NELFA: variants seen among roughly 807,000 people sequenced by gnomAD.
NELFA encodes the protein negative elongation factor A.
Under a neutral mutation model 51.8 loss-of-function variants are expected in NELFA, and 35 were observed. The observed-to-expected ratio is 0.68, with a 90% CI of 0.52 to 0.90. The LOEUF (loss-of-function observed/expected upper bound fraction) is 0.90. Among genes scored for constraint, NELFA ranks in the 40% least tolerant of loss-of-function variants. The pLI is 0.00. For synonymous variants in NELFA, 417 were observed against 338.4 expected, an observed-to-expected ratio of 1.23 and a Z score of -2.55; for missense variants, 658 against 746.4, an observed-to-expected ratio of 0.88 and a Z score of 1.38.
chr4:1,983,062 TACTA>T lies in NELFA; in HGVS notation c.*253_*256del, dbSNP rs1727940264. ...TTGTAACTTTTTTGGTTAATTTACTTACTACATTCAAAAATGTAACGTTGAGTCC... is the reference window on the plus strand; with the variant it reads ...TTGTAACTTTTTTGGTTAATTTACTTCATTCAAAAATGTAACGTTGAGTCC... On this transcript the variant is annotated 3_prime_UTR_variant, in exon 11 of 11. Coordinates refer to ENST00000382882, the MANE Select transcript of NELFA (RefSeq NM_005663.5). 2.5e-6 allele frequency: 1 copy of T among 392,516 alleles called. No homozygotes were observed. The highest frequency in any genetic ancestry group is 4.1e-5 in the East Asian group (1 of 24,556). The allele number at this position is 392,516 out of a possible 1,614,324, so 24.3% of individuals were successfully genotyped here.
intron 1 of NELFA, among the ~76,000 whole-genome samples, chr4:2,008,418 G>A (rs1445233511): frequency 1.3e-5 from 2 of 150,772 alleles, no homozygotes; most frequent in Non-Finnish European, 3.0e-5. Context: ...TTGGGTAGGG[G>A]TGAGGACGAA....
Position 1,983,896 on chromosome 4 carries a change from C to T in NELFA, c.1254G>A (p.Gln418=). 6.3e-7 allele frequency: 1 copy of T among 1,599,550 alleles called. No individual in the cohort carries two copies. Among genetic ancestry groups the T allele is most frequent in the Non-Finnish European group, 8.5e-7 (1 of 1,172,528 alleles). The change falls in exon 9 of 11, where the codon CAG becomes CAA. Residue 418 remains glutamine, a synonymous_variant. Transcript: ENST00000382882. Reference sequence around the variant, plus strand: ...GCTGCTGCTGAGCAGGGGCCTGGGTCTGCGGGGCCACCATGGCAACCGGGG... The same window carrying T: ...GCTGCTGCTGAGCAGGGGCCTGGGTTTGCGGGGCCACCATGGCAACCGGGG... ...QTPPVAMVAP[Q]TQAPAQQQPK...
chr4:1,983,837 T>C lies in NELFA; in HGVS notation c.1302+11A>G. On this transcript the variant is annotated intron_variant, in intron 9 of 10. Transcript: ENST00000382882. ...CCTGGTGGCCTGTGGGCCCTACCAGTGTACACCTACCGTGAGGGACAGGTT... is the reference window on the plus strand; with the variant it reads ...CCTGGTGGCCTGTGGGCCCTACCAGCGTACACCTACCGTGAGGGACAGGTT... 3 of 1,572,794 alleles carry C rather than the reference T, an allele frequency of 1.9e-6. No individual in the cohort carries two copies. Among genetic ancestry groups the C allele is most frequent in the Non-Finnish European group, 2.6e-6 (3 of 1,158,816 alleles).
chr4:1,985,623 T>C (rs570675785), intron 7 of NELFA, among the ~76,000 whole-genome samples, 153 bp downstream of exon 7: 1 of 152,300 alleles, frequency 6.6e-6, no homozygotes, highest in Non-Finnish European at 1.5e-5. Context: ...ACACTGCCTC[T>C]CATGTACATA....
intron 3 of NELFA, among the ~76,000 whole-genome samples, chr4:1,988,822 G>A (rs942748317): frequency 1.3e-5 from 2 of 152,196 alleles, no homozygotes; most frequent in African/African-American, 4.8e-5. Flanking sequence ...TGAGAGTAAG[G>A]AACGTGCCCC....
rs770531900 is a variant in NELFA, at chr4:1,989,725, G to A, written c.527C>T (p.Ala176Val). The A allele has an allele frequency of 6.2e-7, 1 of 1,613,854 alleles. No homozygotes were observed. Among genetic ancestry groups the A allele is most frequent in the Middle Eastern group, 1.7e-4 (1 of 6,058 alleles). The part of the protein sequence containing the change: ...KRKPKSATLR[A>V]ELLQKSTETA... ...CCACTCACACTTCTGCAGCAGCTCCGCCCGCAGCGTGGCGCTCTTGGGTTT... is the reference window on the plus strand; with the variant it reads ...CCACTCACACTTCTGCAGCAGCTCCACCCGCAGCGTGGCGCTCTTGGGTTT... The change falls in exon 3 of 11, where the codon GCG (alanine) becomes GTG (valine). Residue 176 changes from alanine (A) to valine (V), a missense_variant. By Grantham distance (64) the Ala-to-Val change is moderately conservative. Coordinates refer to ENST00000382882, the MANE Select transcript of NELFA (RefSeq NM_005663.5). This position sits in a 1 kb window ranked among gnomAD's most constrained non-coding sequence, Gnocchi z 4.8.
chr4:1,982,971 G>A lies in NELFA; in HGVS notation c.*348C>T, dbSNP rs187851740. 84 of 185,486 alleles carry A rather than the reference G, an allele frequency of 4.5e-4. No homozygotes were observed. Among genetic ancestry groups the A allele is most frequent in the Non-Finnish European group, 8.0e-4 (72 of 90,184 alleles). The allele number at this position is 185,486 out of a possible 1,614,324, so 11.5% of individuals were successfully genotyped here. On this transcript the variant is annotated 3_prime_UTR_variant, in exon 11 of 11. Coordinates refer to ENST00000382882, the MANE Select transcript of NELFA (RefSeq NM_005663.5). ...GGGTAGGAGGGCACTGCCCCAGCGA[G>A]GGAAAATAGAAAAGATTTTAAAAAG...
chr4:1,991,205 G>T (rs1728257973), intron 2 of NELFA, among the ~76,000 whole-genome samples: 3 of 152,146 alleles, frequency 2.0e-5, no homozygotes, highest in African/African-American at 7.2e-5. Context: ...GAATGCTCTG[G>T]GCCCTAGAAC....
chr4:1,992,286 A>G, intron 1 of NELFA: 1 of 245,772 alleles, frequency 4.1e-6, no homozygotes, highest in Non-Finnish European at 8.2e-6. Context: ...CGGCGCTGGG[A>G]GTTGGCGCTC....
intron 1 of NELFA, among the ~76,000 whole-genome samples, chr4:2,005,718 C>A (rs1728693548): frequency 6.6e-6 from 1 of 151,894 alleles, no homozygotes; most frequent in East Asian, 1.9e-4. Context: ...AACAAACAAA[C>A]AAAAACAAAA....
intron 1 of NELFA, among the ~76,000 whole-genome samples, chr4:1,998,380 A>C (rs1374100481): frequency 6.6e-6 from 1 of 152,166 alleles, no homozygotes; most frequent in Non-Finnish European, 1.5e-5. Flanking sequence ...TTCTATCCCA[A>C]TGCAAAGAAG....
intron 2 of NELFA, among the ~76,000 whole-genome samples, chr4:1,991,263 G>C (rs1402096881): frequency 6.6e-6 from 1 of 152,150 alleles, no homozygotes; most frequent in Admixed American, 6.5e-5. Context: ...CTACCCTCAC[G>C]GAGCCGACCA....
chr4:1,984,174 T>C, intron 8 of NELFA, 61 bp from the exon 9 acceptor site: 8 of 1,447,144 alleles, frequency 5.5e-6, no homozygotes, highest in Non-Finnish European at 7.2e-6. Context: ...CAAACCCTAG[T>C]GCTCCTGGAG....
In NELFA at chr4:1,989,799, G is replaced by C. The variant is rs754984619; in HGVS notation, c.453C>G (p.Thr151=). The change falls in exon 3 of 11, where the codon ACC becomes ACG. Residue 151 remains threonine (T), a synonymous_variant. Transcript: ENST00000382882. The surrounding 1 kb of genome is among the most constrained non-coding windows in gnomAD (Gnocchi z 4.8). ...CCGGGGGAGTGAGGGGTCCCGCGAG[G>C]GTCGTCAGGGCGTTTTTGTTCAAGT... ...CQYLNKNALT[T]LAGPLTPPVK... is the part of the protein sequence containing the mutation. 2 of 1,614,216 alleles carry C rather than the reference G, an allele frequency of 1.2e-6. No homozygotes were observed. The highest frequency in any genetic ancestry group is 1.3e-5 in the African/African-American group (1 of 75,050).
chr4:1,991,485 AT>A, intron 2 of NELFA, 58 bp downstream of exon 2: 1 of 1,578,560 alleles, frequency 6.3e-7, no homozygotes, highest in Non-Finnish European at 8.6e-7. Flanking sequence ...TCAGAAAAAA[AT>A]TTTTCAAGAA....
Position 1,983,092 on chromosome 4 carries a change from AAAAAGTGTCTTAAATCACAC to A in NELFA, c.*207_*226del. On this transcript the variant is annotated 3_prime_UTR_variant, in exon 11 of 11. Coordinates refer to ENST00000382882, the MANE Select transcript of NELFA (RefSeq NM_005663.5). ...CATTCAAAAATGTAACGTTGAGTCC[AAAAAGTGTCTTAAATCACAC>A]AAAAAAGAACCCATATTAAAATTTT... 3 of 445,144 alleles carry A rather than the reference AAAAAGTGTCTTAAATCACAC, an allele frequency of 6.7e-6. No homozygotes were observed. Among genetic ancestry groups the A allele is most frequent in the Non-Finnish European group, 1.2e-5 (3 of 253,800 alleles). 27.6% of individuals were successfully genotyped at this position (445,144 alleles called of 1,614,324 possible). A position where few individuals can be genotyped will look rare whatever the true frequency, so the allele number is the denominator to read the frequency against.
chr4:1,996,010 G>T (rs997057220), intron 1 of NELFA, among the ~76,000 whole-genome samples: 1 of 151,818 alleles, frequency 6.6e-6, no homozygotes, highest in African/African-American at 2.4e-5. Flanking sequence ...GTTAAGAATA[G>T]AATAGATTTG....
At chr4:1,986,705 G>T (rs977202680) in intron 4 of NELFA, 1 of 371,356 alleles carries the variant, frequency 2.7e-6, no homozygotes, top group Non-Finnish European at 5.1e-6. Context: ...CCTCCTTCCT[G>T]TGCCTCCACC....
In NELFA at chr4:1,983,713, G is replaced by C. The variant is rs752117384; in HGVS notation, c.1303-18C>G. The C allele has an allele frequency of 1.2e-6, 2 of 1,611,882 alleles. No homozygotes were observed. The highest frequency in any genetic ancestry group is 2.2e-5 in the South Asian group (2 of 91,044). ...TGCTCTCTCTACAGCGGGGAGAGGG[G>C]TGTGGGTGCCAGGGCCCCGCCAGGA... is the stretch of plus-strand genomic sequence containing the variant. On this transcript the variant is annotated intron_variant, in intron 9 of 10. Coordinates refer to ENST00000382882, the MANE Select transcript of NELFA (RefSeq NM_005663.5).
Sources: gnomAD v4.1 joint callset for allele counts (sites outside exome capture counted in the v4.1 genomes callset) on GRCh38, gnomAD v4.1.1 for gene constraint, Gnocchi (gnomAD v3.1) non-coding constraint, MANE v1.5 for transcripts, NCBI Gene and HGNC (gene_info 2026-07-23, HGNC 2026-07-21) for gene names.